The following AGPS variants were observed in gnomAD, a reference collection of about 807,000 sequenced individuals.
The protein encoded by AGPS is alkylglycerone phosphate synthase.
A neutral mutation model predicts 90.7 loss-of-function variants in AGPS; 26 were observed. The ratio of observed to expected loss-of-function variants is 0.29; its 90% CI spans 0.21 to 0.40. The LOEUF (loss-of-function observed/expected upper bound fraction) is 0.40, where lower values mean the gene tolerates loss of function less well. Among genes scored for constraint, AGPS ranks in the 10% least tolerant of loss-of-function variants. The pLI is 1.00. For synonymous variants in AGPS, 294 were observed against 285.3 expected, an observed-to-expected ratio of 1.03 and a Z score of -0.31; for missense variants, 540 against 816.1, an observed-to-expected ratio of 0.66 and a Z score of 4.12.
At chr2:177,493,021 T>C in intron 11 of AGPS, 127 bp from the exon 12 acceptor site, 1 of 803,496 alleles carries the variant, frequency 1.2e-6, no homozygotes, top group East Asian at 2.7e-5. Flanking sequence ...TAACTTTTTT[T>C]CCTCTGTAAA....
intron 14 of AGPS, among the ~76,000 whole-genome samples, chr2:177,501,414 G>A (rs1688557496): frequency 6.6e-6 from 1 of 152,080 alleles, no homozygotes; most frequent in South Asian, 2.1e-4. Context: ...CATAATGCTT[G>A]TTTGTTGTGC....
At chr2:177,478,402 T>C (rs1687843168) in intron 10 of AGPS, among the ~76,000 whole-genome samples, 1 of 152,220 alleles carries the variant, frequency 6.6e-6, no homozygotes, top group Non-Finnish European at 1.5e-5. Context: ...TTAATAAATT[T>C]AGGAAGTTTT....
chr2:177,466,374 C>T (rs1687448461), intron 9 of AGPS, among the ~76,000 whole-genome samples: 1 of 152,164 alleles, frequency 6.6e-6, no homozygotes, highest in Non-Finnish European at 1.5e-5. Context: ...ATGGGCAATC[C>T]CGGAAAAAGC....
At position 177,496,501 on chromosome 2, in the gene AGPS, C is replaced by A. The variant is rs562673172; in HGVS notation, c.1286-1188C>A. On this transcript the variant is annotated intron_variant, in intron 12 of 19. Transcript: ENST00000264167. ...TAGTTTAAAATAAAAGAAAAAAATC[C>A]CCAAGCGTATCTCTTACTTGTGATC... Among the ~76,000 whole-genome samples, 34 of 152,092 alleles carry A rather than the reference C, an allele frequency of 2.2e-4. 1 individual carries two copies. Among genetic ancestry groups the A allele is most frequent in the African/African-American group, 8.2e-4 (34 of 41,502 alleles).
chr2:177,409,385 T>C (rs1685555765), intron 1 of AGPS, among the ~76,000 whole-genome samples: 1 of 80,556 alleles, frequency 1.2e-5, no homozygotes, highest in African/African-American at 4.5e-5. Context: ...ATATATGATT[T>C]GACTTTTTTT....
At chr2:177,448,139 T>G (rs1045400651) in intron 8 of AGPS, among the ~76,000 whole-genome samples, 2 of 152,168 alleles carry the variant, frequency 1.3e-5, no homozygotes, top group Non-Finnish European at 1.5e-5. Context: ...TTTCTTTGTT[T>G]CTAATAGCTA....
chr2:177,453,572 G>C (rs1284723011), intron 8 of AGPS, among the ~76,000 whole-genome samples: 1 of 151,344 alleles, frequency 6.6e-6, no homozygotes, highest in Non-Finnish European at 1.5e-5. Flanking sequence ...AGCCAGCCTA[G>C]GTTGCAGACT....
intron 2 of AGPS, among the ~76,000 whole-genome samples, chr2:177,422,384 G>A (rs1024296227): frequency 6.6e-6 from 1 of 152,138 alleles, no homozygotes; most frequent in Non-Finnish European, 1.5e-5. Flanking sequence ...GGCTGTAATA[G>A]AACCAGAGAA....
At chr2:177,436,157 T>G (rs911847527) in intron 3 of AGPS, among the ~76,000 whole-genome samples, 1 of 142,534 alleles carries the variant, frequency 7.0e-6, no homozygotes, top group African/African-American at 2.6e-5. Context: ...TTTTTTTTTT[T>G]TGCGACAGAG....
intron 19 of AGPS, among the ~76,000 whole-genome samples, chr2:177,535,190 T>C (rs2105744799): frequency 6.6e-6 from 1 of 152,332 alleles, no homozygotes; most frequent in Non-Finnish European, 1.5e-5. Context: ...ATAGGCTTTA[T>C]GTGGTATGTG....
intron 1 of AGPS, among the ~76,000 whole-genome samples, chr2:177,413,939 G>A (rs1032527611): frequency 6.6e-6 from 1 of 152,180 alleles, no homozygotes; most frequent in Non-Finnish European, 1.5e-5. Flanking sequence ...GGTGTAGTGT[G>A]TGAGAGAAGT....
chr2:177,409,339 T>C (rs925634588), intron 1 of AGPS, among the ~76,000 whole-genome samples: 2 of 151,892 alleles, frequency 1.3e-5, no homozygotes, highest in Non-Finnish European at 2.9e-5. Flanking sequence ...GGGGTTTATA[T>C]CCCAATCATT....
chr2:177,523,386 G>T (rs890542560), intron 18 of AGPS, among the ~76,000 whole-genome samples: 2 of 152,154 alleles, frequency 1.3e-5, no homozygotes, highest in Non-Finnish European at 2.9e-5. Context: ...GTAAATTTTA[G>T]TCACTTTGTT....
chr2:177,410,479 TCTC>T (rs1685588253), intron 1 of AGPS, among the ~76,000 whole-genome samples: 1 of 152,160 alleles, frequency 6.6e-6, no homozygotes. Context: ...CCTTTTTCCT[TCTC>T]CTAATTCTAG....
intron 10 of AGPS, among the ~76,000 whole-genome samples, chr2:177,479,213 A>T (rs902700948): frequency 6.6e-6 from 1 of 152,134 alleles, no homozygotes; most frequent in South Asian, 2.1e-4. Flanking sequence ...CCAGCCCTTT[A>T]TGAGCCAGGA....
intron 2 of AGPS, among the ~76,000 whole-genome samples, chr2:177,430,314 T>C (rs1230322251): frequency 6.6e-6 from 1 of 152,148 alleles, no homozygotes; most frequent in African/African-American, 2.4e-5. Context: ...TGCAGAACAA[T>C]GTTGCTTGGA....
At chr2:177,535,928 A>T (rs4893960) in intron 19 of AGPS, among the ~76,000 whole-genome samples, 1 of 151,636 alleles carries the variant, frequency 6.6e-6, no homozygotes, top group African/African-American at 2.4e-5. Context: ...TTTCTACTTC[A>T]CTAATCAAAT....
intron 8 of AGPS, among the ~76,000 whole-genome samples, chr2:177,458,739 G>A (rs2105661598): frequency 6.6e-6 from 1 of 152,250 alleles, no homozygotes; most frequent in Middle Eastern, 3.4e-3. Flanking sequence ...TATGAAAATG[G>A]CCATACTGCC....
intron 15 of AGPS, among the ~76,000 whole-genome samples, chr2:177,506,184 A>C (rs144770174): frequency 7.3e-5 from 11 of 150,276 alleles, no homozygotes; most frequent in Non-Finnish European, 1.2e-4. Context: ...AACAAATTCA[A>C]ATTTCTTAAT....
Sources: gnomAD v4.1 joint callset for allele counts (sites outside exome capture counted in the v4.1 genomes callset) on GRCh38, gnomAD v4.1.1 for gene constraint, MANE v1.5 for transcripts, NCBI Gene and HGNC (gene_info 2026-07-23, HGNC 2026-07-21) for gene names.